ZBTB11: variants seen among roughly 807,000 people sequenced by gnomAD.
The protein encoded by ZBTB11 is zinc finger and BTB domain-containing protein 11.
ZBTB11 carries 68 observed loss-of-function variants against 113.1 expected under a neutral mutation model. The ratio of observed to expected loss-of-function variants is 0.60; its 90% CI spans 0.49 to 0.74. The LOEUF is 0.74. Ranked by LOEUF, ZBTB11 falls within the 30% of genes least tolerant of loss-of-function variation. The pLI is 0.00. For missense variants in ZBTB11, 1,104 were observed against 1,279.4 expected, an observed-to-expected ratio of 0.86 and a Z score of 2.09; for synonymous variants, 518 against 452.6, an observed-to-expected ratio of 1.14 and a Z score of -1.83.
At chr3:101,672,649 G>A (rs1334338399) in intron 1 of ZBTB11, among the ~76,000 whole-genome samples, 5 of 152,334 alleles carry the variant, frequency 3.3e-5, no homozygotes, top group East Asian at 1.9e-4. Context: ...CCCGGGAGGC[G>A]GAGGTTGCAG....
chr3:101,677,001 GGCACCGTAGGGAGAAACGGCT>G lies in ZBTB11; in HGVS notation c.-108_-88del, dbSNP rs1559990769. On this transcript the variant is annotated 5_prime_UTR_variant, in exon 1 of 11. Coordinates refer to ENST00000312938, the MANE Select transcript of ZBTB11 (RefSeq NM_014415.4). Reference sequence around the variant, plus strand: ...TACGGGCGGCTGCAGGAGGAGCGGCGGCACCGTAGGGAGAAACGGCTGCGCCTTTGGCGAGCGCTCTTCGAC... The same window carrying G: ...TACGGGCGGCTGCAGGAGGAGCGGCGGCGCCTTTGGCGAGCGCTCTTCGAC... 1 of 1,400,114 alleles carries G rather than the reference GGCACCGTAGGGAGAAACGGCT, an allele frequency of 7.1e-7. No homozygotes were observed. The highest frequency in any genetic ancestry group is 1.5e-5 in the African/African-American group (1 of 68,016). 86.7% of individuals were successfully genotyped at this position (1,400,114 alleles called of 1,614,324 possible).
intron 7 of ZBTB11, 86 bp from the exon 8 acceptor site, chr3:101,654,907 T>C: frequency 9.9e-7 from 1 of 1,009,354 alleles, no homozygotes; most frequent in Admixed American, 1.9e-5. Flanking sequence ...GGCATCTCAC[T>C]CTGTTGCCCA....
intron 7 of ZBTB11, among the ~76,000 whole-genome samples, chr3:101,655,149 T>A (rs1936773462): frequency 6.6e-6 from 1 of 152,244 alleles, no homozygotes; most frequent in African/African-American, 2.4e-5. Context: ...GTGCTGGGAT[T>A]ACAGGCATGA....
intron 6 of ZBTB11, 114 bp downstream of exon 6, chr3:101,659,669 C>A (rs1936854072): frequency 1.5e-6 from 2 of 1,330,380 alleles, no homozygotes; most frequent in African/African-American, 1.5e-5. Context: ...CATAAATTTA[C>A]CTGACATTTT....
rs748849931 is a variant in ZBTB11 at position 101,660,057 on chromosome 3, T to C, written c.1801-29A>G. 5 of 1,593,810 alleles carry C rather than the reference T, an allele frequency of 3.1e-6. No individual in the cohort carries two copies. In the South Asian group the frequency reaches 4.5e-5, roughly 14 times the overall value. ...AAAGAAAAATAAAATTCTCTCTAAA[T>C]GTATTTCCATTACAAAATGTTAACT... On this transcript the variant is annotated intron_variant, in intron 5 of 10. Coordinates refer to ENST00000312938, the MANE Select transcript of ZBTB11 (RefSeq NM_014415.4).
chr3:101,676,278 G>C (rs1334225514), intron 1 of ZBTB11, among the ~76,000 whole-genome samples: 5 of 131,052 alleles, frequency 3.8e-5, no homozygotes, highest in Non-Finnish European at 8.4e-5. Flanking sequence ...CCAGAGGGCC[G>C]GGGCCTACAG....
At chr3:101,666,625 T>G (rs1937000935) in intron 3 of ZBTB11, among the ~76,000 whole-genome samples, 1 of 152,228 alleles carries the variant, frequency 6.6e-6, no homozygotes, top group Non-Finnish European at 1.5e-5. Context: ...ATTCTTAATA[T>G]TCACATGAAT....
At position 101,665,083 on chromosome 3, in the gene ZBTB11, TATC is replaced by T; in HGVS notation, c.1501_1503del (p.Asp501del). 1 of 1,614,186 alleles carries T rather than the reference TATC, an allele frequency of 6.2e-7. No individual in the cohort carries two copies. The highest frequency in any genetic ancestry group is 8.5e-7 in the Non-Finnish European group (1 of 1,180,038). On this transcript the variant is annotated inframe_deletion, in exon 4 of 11. Coordinates refer to ENST00000312938, the MANE Select transcript of ZBTB11 (RefSeq NM_014415.4). ...CGTTGTCGAAGCCTGCTTCTATAAG[TATC>T]ATCATCAGGGCCAAAGTCTGTCTTT...
Position 101,651,685 on chromosome 3 carries a change from TAAAAAA to T in ZBTB11, c.2645-8_2645-3del. 6.7e-6 allele frequency: 9 copies of T among 1,349,900 alleles called. No individual in the cohort carries two copies. The highest frequency in any genetic ancestry group is 3.7e-5 in the South Asian group (2 of 53,680). 83.6% of individuals were successfully genotyped at this position (1,349,900 alleles called of 1,614,324 possible). On this transcript the variant is annotated splice_region_variant and splice_polypyrimidine_tract_variant and intron_variant, in intron 10 of 10. Coordinates refer to ENST00000312938, the MANE Select transcript of ZBTB11 (RefSeq NM_014415.4). ...TTAAGCACTCAAATGGCTTAACTCC[TAAAAAA>T]AAAAAAAAAAAAGCATGTGTAGTGA...
rs56871732 is a variant in ZBTB11, at chr3:101,667,046, G to A, written c.779-1238C>T. 3.2e-3 allele frequency among the ~76,000 whole-genome samples: 481 copies of A among 152,198 alleles called. 2 individuals are homozygous for A. Among genetic ancestry groups the A allele is most frequent in the African/African-American group, 0.011 (444 of 41,522 alleles). ...ATTACAGGCGTGAGCCACCGCACTC[G>A]GCTTTCTTTTTTATTTAGGTACTTT... On this transcript the variant is annotated intron_variant, in intron 3 of 10. Coordinates refer to ENST00000312938, the MANE Select transcript of ZBTB11 (RefSeq NM_014415.4).
At position 101,676,606 on chromosome 3, in the gene ZBTB11, T is replaced by A. The variant is rs1475562164; in HGVS notation, c.309A>T (p.Arg103=). ...CCCTCGCCGCGGGCTAGGTCTCACC[T>A]CGCCACCAGTACGTCTTGGACAAGT... ...WHYLSKTYWW[R]GILKQVKDYI... is the part of the protein sequence containing the mutation. The change falls in exon 1 of 11, where the codon CGA becomes CGT. Residue 103 remains arginine (R), a splice_region_variant and synonymous_variant. Coordinates refer to ENST00000312938, the MANE Select transcript of ZBTB11 (RefSeq NM_014415.4). 5 of 1,501,420 alleles carry A rather than the reference T, an allele frequency of 3.3e-6. No individual in the cohort carries two copies. In the East Asian group the frequency reaches 1.2e-4, roughly 36 times the overall value. 93.0% of individuals were successfully genotyped at this position (1,501,420 alleles called of 1,614,324 possible). A position where few individuals can be genotyped will look rare whatever the true frequency, so the allele number is the denominator to read the frequency against.
At chr3:101,675,995 T>A (rs1452953021) in intron 1 of ZBTB11, among the ~76,000 whole-genome samples, 1 of 152,184 alleles carries the variant, frequency 6.6e-6, no homozygotes, top group Non-Finnish European at 1.5e-5. Context: ...ATTTACTTCT[T>A]GTTCTTAAAA....
chr3:101,665,436 G>A lies in ZBTB11; in HGVS notation c.1151C>T (p.Pro384Leu), dbSNP rs746633793. The A allele has an allele frequency of 1.2e-6, 2 of 1,614,150 alleles. No homozygotes were observed. Among genetic ancestry groups the A allele is most frequent in the South Asian group, 2.2e-5 (2 of 91,080 alleles). ...AGCCTCTGAAGAAACCTGGGGCTCA[G>A]GCTGTCGTCCTACCTCTCCATTCTG... Reference protein sequence around the residue: ...AEQNGEVGRQPEPQVSSEAES... With the variant: ...AEQNGEVGRQLEPQVSSEAES... Residue 384 changes from proline to leucine, a missense_variant, in exon 4 of 11, where the codon CCT becomes CTT. Pro to Leu is a moderately conservative substitution (Grantham distance 98, BLOSUM62 -3). Coordinates refer to ENST00000312938, the MANE Select transcript of ZBTB11 (RefSeq NM_014415.4).
At chr3:101,673,301 G>C (rs1937111275) in intron 1 of ZBTB11, among the ~76,000 whole-genome samples, 1 of 152,146 alleles carries the variant, frequency 6.6e-6, no homozygotes, top group Non-Finnish European at 1.5e-5. Flanking sequence ...GTCACATCTA[G>C]TAAAATGGCA....
rs547528603 is a variant in ZBTB11, at chr3:101,676,369, G to A, written c.310+236C>T. ...CCCCGCGGCTGGCCCGGCCTCCGGG[G>A]AAGCCCCCTTGGTCCCACCCAGGGC... On this transcript the variant is annotated intron_variant, in intron 1 of 10. Transcript: ENST00000312938. The A allele has an allele frequency of 4.4e-5, 18 of 405,886 alleles. No homozygotes were observed. In the South Asian group the frequency reaches 1.5e-3, roughly 34 times the overall value. The allele number at this position is 405,886 out of a possible 1,614,324, so 25.1% of individuals were successfully genotyped here. A position where few individuals can be genotyped will look rare whatever the true frequency, so the allele number is the denominator to read the frequency against.
Position 101,676,759 on chromosome 3 carries a change from C to T in ZBTB11, c.156G>A (p.Arg52=). Reference sequence around the variant, plus strand: ...CCGCGAAGGTCTTGCGGTGCCGCTGCCGCCGCTGGTAATACAGAGTCCCGC... The same window carrying T: ...CCGCGAAGGTCTTGCGGTGCCGCTGTCGCCGCTGGTAATACAGAGTCCCGC... The part of the protein sequence containing the change: ...VRGGTLYYQR[R]QRHRKTFAEL... Residue 52 remains arginine, a synonymous_variant, in exon 1 of 11, where the codon CGG becomes CGA. Coordinates refer to ENST00000312938, the MANE Select transcript of ZBTB11 (RefSeq NM_014415.4). 6.2e-7 allele frequency: 1 copy of T among 1,608,396 alleles called. No homozygotes were observed. Among genetic ancestry groups the T allele is most frequent in the Non-Finnish European group, 8.5e-7 (1 of 1,177,640 alleles).
chr3:101,672,659 G>A (rs534162355), intron 1 of ZBTB11, among the ~76,000 whole-genome samples: 80 of 152,244 alleles, frequency 5.3e-4, no homozygotes, highest in Non-Finnish European at 7.2e-4. Flanking sequence ...GGAGGTTGCA[G>A]TGAGCTGAGA....
chr3:101,654,202 G>A (rs1576643591), intron 8 of ZBTB11, among the ~76,000 whole-genome samples: 1 of 152,058 alleles, frequency 6.6e-6, no homozygotes, highest in African/African-American at 2.4e-5. Context: ...CACCACAACC[G>A]GCTGATTTTG....
intron 1 of ZBTB11, among the ~76,000 whole-genome samples, chr3:101,672,987 C>A (rs950183016): frequency 1.3e-5 from 2 of 152,178 alleles, no homozygotes; most frequent in African/African-American, 2.4e-5. Context: ...TGGAACAGGA[C>A]TACTACAAAA....
Sources: allele counts gnomAD v4.1 joint callset (sites outside exome capture counted in the v4.1 genomes callset), GRCh38; gene constraint gnomAD v4.1.1; transcripts MANE v1.5; gene names NCBI Gene and HGNC (gene_info 2026-07-23, HGNC 2026-07-21).